The following MACROD2 variants were observed in gnomAD, a reference collection of about 807,000 sequenced individuals.
MACROD2 encodes the protein mono-ADP ribosylhydrolase 2.
A neutral mutation model predicts 70.4 loss-of-function variants in MACROD2; 36 were observed. The ratio of observed to expected loss-of-function variants is 0.51; its 90% CI spans 0.39 to 0.68. MACROD2 has a LOEUF of 0.68. MACROD2 is among the 30% of genes least tolerant of loss of function. The pLI, the probability that MACROD2 is intolerant of heterozygous loss-of-function variation, is 0.00. For synonymous variants in MACROD2, 172 were observed against 178.8 expected (o/e 0.96, Z 0.30); for missense variants, 496 against 538.4 (o/e 0.92, Z 0.78).
intron 3 of MACROD2, among the ~76,000 whole-genome samples, chr20:14,271,413 A>G (rs6042634): frequency 0.63 from 95,148 of 152,106 alleles, 31,358 homozygotes; most frequent in Non-Finnish European, 0.74. Flanking sequence ...GCAAACTCCA[A>G]TAGACCTGCA....
chr20:14,360,303 A>G (rs1298121762), intron 3 of MACROD2, among the ~76,000 whole-genome samples: 1 of 152,226 alleles, frequency 6.6e-6, no homozygotes, highest in South Asian at 2.1e-4. Context: ...GAGGTAATAC[A>G]TGTGTTAATT....
intron 5 of MACROD2, among the ~76,000 whole-genome samples, chr20:14,720,536 CTTTTTTTTTTTTTTTTTTTTTT>C (rs753673265): frequency 3.6e-4 from 13 of 35,930 alleles, no homozygotes; most frequent in African/African-American, 1.4e-3. Flanking sequence ...TGCCCCACAA[CTTTTTTTTTTTTTTTTTTTTTT>C]TTTTTTTTTT....
chr20:15,753,124 A>G (rs996841871), intron 8 of MACROD2, among the ~76,000 whole-genome samples: 7 of 151,948 alleles, frequency 4.6e-5, no homozygotes, highest in Non-Finnish European at 1.0e-4. Flanking sequence ...AATTTTTTAA[A>G]TATATTTTCA....
chr20:15,792,497 A>G (rs1354979035), intron 8 of MACROD2, among the ~76,000 whole-genome samples: 1 of 152,128 alleles, frequency 6.6e-6, no homozygotes, highest in Non-Finnish European at 1.5e-5. Flanking sequence ...AATACACTTA[A>G]CCCAAGGGAA....
chr20:14,884,971 C>G (rs1600766299), intron 5 of MACROD2, among the ~76,000 whole-genome samples: 2 of 152,082 alleles, frequency 1.3e-5, no homozygotes, highest in African/African-American at 2.4e-5. Flanking sequence ...GCACTGATCC[C>G]CTACTGACCC....
chr20:14,559,504 C>T (rs997441071), intron 4 of MACROD2, among the ~76,000 whole-genome samples: 3 of 151,550 alleles, frequency 2.0e-5, no homozygotes, highest in African/African-American at 7.3e-5. Context: ...GTTATATACT[C>T]GAATTCCTAT....
chr20:15,383,653 T>C (rs1279706868), intron 6 of MACROD2, among the ~76,000 whole-genome samples: 1 of 152,212 alleles, frequency 6.6e-6, no homozygotes, highest in African/African-American at 2.4e-5. Flanking sequence ...TAGTCCTTTA[T>C]GTGCAGCCTT....
rs1012214573 is a variant in MACROD2 at position 14,436,006 on chromosome 20, T to C, written c.272-57473T>C. On this transcript the variant is annotated intron_variant, in intron 3 of 17. Transcript: ENST00000684519. ...ACAGGCATGAGCCACCATGCCTGGA[T>C]GAGAAGTCATTTTAAACTTATAATT... is the stretch of plus-strand genomic sequence containing the variant. 9.9e-5 allele frequency among the ~76,000 whole-genome samples: 15 copies of C among 152,258 alleles called. No individual in the cohort carries two copies. The Middle Eastern group carries it at 0.01, about 104-fold the overall frequency.
intron 8 of MACROD2, among the ~76,000 whole-genome samples, chr20:15,646,626 G>C (rs1018882316): frequency 2.0e-5 from 3 of 152,156 alleles, no homozygotes; most frequent in Non-Finnish European, 4.4e-5. Flanking sequence ...TCGAGGGAGA[G>C]ACCAGGTGGA....
At chr20:15,450,022 A>G (rs751631939) in intron 7 of MACROD2, among the ~76,000 whole-genome samples, 4 of 152,186 alleles carry the variant, frequency 2.6e-5, no homozygotes, top group Non-Finnish European at 5.9e-5. Flanking sequence ...ATAAAAATAA[A>G]ATAAACACAC....
At chr20:15,499,731 T>G in intron 7 of MACROD2, 43 bp from the exon 8 acceptor site, 2 of 1,596,164 alleles carry the variant, frequency 1.3e-6, no homozygotes, top group Non-Finnish European at 1.7e-6. Flanking sequence ...CCTTTTGCCT[T>G]CATCTTTCGT....
chr20:14,091,566 A>G (rs1419303257), intron 3 of MACROD2, among the ~76,000 whole-genome samples: 3 of 152,274 alleles, frequency 2.0e-5, no homozygotes, highest in East Asian at 3.9e-4. Flanking sequence ...CACTGTGTAT[A>G]TATATATCAA....
intron 5 of MACROD2, among the ~76,000 whole-genome samples, chr20:14,818,825 GTTTT>G (rs754477468): frequency 8.9e-5 from 7 of 78,382 alleles, no homozygotes; most frequent in Non-Finnish European, 1.7e-4. Context: ...TCTTCCTTAG[GTTTT>G]TTTTTTTTTT....
intron 2 of MACROD2, among the ~76,000 whole-genome samples, chr20:14,076,315 C>A (rs2053915756): frequency 6.6e-6 from 1 of 151,908 alleles, no homozygotes; most frequent in Admixed American, 6.6e-5. Context: ...TTAAATATTC[C>A]AAAAACTCCC....
intron 8 of MACROD2, among the ~76,000 whole-genome samples, chr20:15,615,468 CCTT>C (rs1330185634): frequency 6.6e-6 from 1 of 152,112 alleles, no homozygotes; most frequent in East Asian, 1.9e-4. Context: ...AGGGAGGACA[CCTT>C]CATCAGAGCT....
intron 8 of MACROD2, among the ~76,000 whole-genome samples, chr20:15,738,212 C>A (rs896968714): frequency 6.6e-6 from 1 of 152,038 alleles, no homozygotes; most frequent in African/African-American, 2.4e-5. Flanking sequence ...GCTTGTAACA[C>A]AAATAATAAA....
intron 3 of MACROD2, among the ~76,000 whole-genome samples, chr20:14,291,119 T>C (rs894716608): frequency 6.6e-5 from 10 of 152,206 alleles, no homozygotes; most frequent in African/African-American, 2.4e-4. Context: ...TCCACAGAAA[T>C]AACTTTTTTA....
intron 3 of MACROD2, among the ~76,000 whole-genome samples, chr20:14,151,604 G>C (rs1601284673): frequency 6.6e-6 from 1 of 152,104 alleles, no homozygotes; most frequent in East Asian, 1.9e-4. Flanking sequence ...TTTTGATTTA[G>C]ATTCCCATGT....
At position 14,332,803 on chromosome 20, in the gene MACROD2, C is replaced by G. The variant is rs1376007912; in HGVS notation, c.272-160676C>G. ...AACTTTGTGAATATTTCTAGGTAAA[C>G]TGGAATTTATACAATCATAATTTAG... is the stretch of plus-strand genomic sequence containing the variant. On this transcript the variant is annotated intron_variant, in intron 3 of 17. Transcript: ENST00000684519. Among the ~76,000 whole-genome samples the G allele has an allele frequency of 2.6e-5, 4 of 152,144 alleles. No individual in the cohort carries two copies. The East Asian group carries it at 7.7e-4, about 29-fold the overall frequency.
Sources: allele counts gnomAD v4.1 joint callset (sites outside exome capture counted in the v4.1 genomes callset), GRCh38; gene constraint gnomAD v4.1.1; transcripts MANE v1.5; gene names NCBI Gene and HGNC (gene_info 2026-07-23, HGNC 2026-07-21).